Variants in HS6ST3 observed in about 807,000 individuals in gnomAD.
HS6ST3 encodes the protein heparan sulfate 6-O-sulfotransferase 3, also known as heparan-sulfate 6-O-sulfotransferase 3.
A neutral mutation model predicts 36.7 loss-of-function variants in HS6ST3; 12 were observed. The ratio of observed to expected loss-of-function variants is 0.33; its 90% CI spans 0.21 to 0.53. The LOEUF is 0.53. Ranked by LOEUF, HS6ST3 falls within the 20% of genes least tolerant of loss-of-function variation. The probability of loss-of-function intolerance (pLI) is 0.95; values close to 1 mark genes in which losing one functional copy is unlikely to be tolerated. For synonymous variants in HS6ST3, 240 were observed against 257.5 expected (o/e 0.93, Z 0.65); for missense variants, 584 against 640.9 (o/e 0.91, Z 0.96).
intron 1 of HS6ST3, among the ~76,000 whole-genome samples, chr13:96,333,342 A>C (rs139497216): frequency 6.6e-6 from 1 of 151,718 alleles, no homozygotes; most frequent in African/African-American, 2.4e-5. Context: ...AGCAATTTCC[A>C]CCAAATGCTT....
intron 1 of HS6ST3, among the ~76,000 whole-genome samples, chr13:96,552,472 A>G (rs2056222985): frequency 6.6e-6 from 1 of 152,190 alleles, no homozygotes; most frequent in Non-Finnish European, 1.5e-5. Flanking sequence ...CAGGTCAGCT[A>G]GAGTGGAAGG....
intron 1 of HS6ST3, among the ~76,000 whole-genome samples, chr13:96,653,179 G>T (rs1022371100): frequency 1.3e-5 from 2 of 151,778 alleles, no homozygotes; most frequent in East Asian, 3.9e-4. Flanking sequence ...CTCAACTGTT[G>T]GTTCATGGCA....
intron 1 of HS6ST3, among the ~76,000 whole-genome samples, chr13:96,659,670 A>G (rs1566423406): frequency 6.6e-6 from 1 of 152,100 alleles, no homozygotes. Context: ...TTTTTAAAAT[A>G]TAGTATGAAA....
At chr13:96,151,175 G>A (rs538362498) in intron 1 of HS6ST3, among the ~76,000 whole-genome samples, 5 of 152,252 alleles carry the variant, frequency 3.3e-5, no homozygotes, top group Non-Finnish European at 7.4e-5. Flanking sequence ...AAGCCAAGGT[G>A]GGTAGATCAC....
intron 1 of HS6ST3, among the ~76,000 whole-genome samples, chr13:96,118,688 ATTTTTTTTTTTTTTTTT>A (rs149786144): frequency 3.9e-4 from 12 of 31,168 alleles, no homozygotes; most frequent in African/African-American, 1.5e-3. Context: ...ATATATATAT[ATTTTTTTTTTTTTTTTT>A]TTTTTTTTTT....
At chr13:96,453,369 C>T (rs9584372) in intron 1 of HS6ST3, among the ~76,000 whole-genome samples, 2,831 of 152,152 alleles carry the variant, frequency 0.019, 104 homozygotes, top group African/African-American at 0.065. Context: ...TCTCCAATGG[C>T]TATTATTCCA....
chr13:96,619,853 T>C (rs951782736), intron 1 of HS6ST3, among the ~76,000 whole-genome samples: 3 of 151,306 alleles, frequency 2.0e-5, no homozygotes, highest in African/African-American at 7.4e-5. Context: ...TTGGACAAGG[T>C]TGACAGTTGG....
In HS6ST3 at chr13:96,091,008, C is replaced by A; in HGVS notation, c.146C>A (p.Pro49His). ...EQPRAGEAGPPAVPGPARRAQ... is the reference protein window; with the variant it reads ...EQPRAGEAGPHAVPGPARRAQ... ...CCCCGCGCGGGGGAGGCCGGCCCGCCCGCCGTCCCGGGTCCCGCCCGCCGG... is the reference window on the plus strand; with the variant it reads ...CCCCGCGCGGGGGAGGCCGGCCCGCACGCCGTCCCGGGTCCCGCCCGCCGG... Residue 49 changes from proline to histidine, a missense_variant, in exon 1 of 2, where the codon CCC becomes CAC. This residue lies in a region of HS6ST3 where 217 missense variants were observed against 205.4 expected (regional missense o/e 1.06). Transcript: ENST00000376705. 2.3e-6 allele frequency: 3 copies of A among 1,288,900 alleles called. No individual in the cohort carries two copies. In the South Asian group the frequency reaches 9.1e-5, roughly 39 times the overall value. 79.8% of individuals were successfully genotyped at this position (1,288,900 alleles called of 1,614,324 possible).
chr13:96,827,379 T>A (rs1323557177), intron 1 of HS6ST3, among the ~76,000 whole-genome samples: 1 of 152,190 alleles, frequency 6.6e-6, no homozygotes, highest in Non-Finnish European at 1.5e-5. Context: ...AGTGATACTG[T>A]CTATGCATAT....
chr13:96,358,878 A>ATCTG (rs1429751452), intron 1 of HS6ST3, among the ~76,000 whole-genome samples: 24 of 137,690 alleles, frequency 1.7e-4, no homozygotes, highest in Non-Finnish European at 2.9e-4. Flanking sequence ...TAATCTATCT[A>ATCTG]TCTATCTATC....
chr13:96,373,130 C>T (rs188376194), intron 1 of HS6ST3, among the ~76,000 whole-genome samples: 39 of 152,226 alleles, frequency 2.6e-4, no homozygotes, highest in Non-Finnish European at 4.3e-4. Context: ...CTATGTCTCT[C>T]CTTCGTACAT....
intron 1 of HS6ST3, among the ~76,000 whole-genome samples, chr13:96,302,989 G>T (rs188421016): frequency 6.6e-6 from 1 of 152,062 alleles, no homozygotes; most frequent in Admixed American, 6.6e-5. Flanking sequence ...GCTGTTTATG[G>T]CTATTTTCAT....
chr13:96,620,840 AT>A (rs543753553), intron 1 of HS6ST3, among the ~76,000 whole-genome samples: 5 of 151,886 alleles, frequency 3.3e-5, no homozygotes, highest in Admixed American at 2.0e-4. Flanking sequence ...TCAGCAATTA[AT>A]TTTTTTTTAA....
chr13:96,308,665 C>G (rs1367811680), intron 1 of HS6ST3, among the ~76,000 whole-genome samples: 3 of 152,084 alleles, frequency 2.0e-5, no homozygotes, highest in Non-Finnish European at 2.9e-5. Context: ...ATCCTTATTC[C>G]TTTCTTCCTG....
intron 1 of HS6ST3, among the ~76,000 whole-genome samples, chr13:96,550,705 G>A (rs1566393974): frequency 1.3e-5 from 2 of 151,984 alleles, no homozygotes; most frequent in Non-Finnish European, 1.5e-5. Context: ...TATGTATTGA[G>A]TGAAGGGAGG....
chr13:96,115,518 G>A (rs993115247), intron 1 of HS6ST3, among the ~76,000 whole-genome samples: 1 of 152,106 alleles, frequency 6.6e-6, no homozygotes. Flanking sequence ...CTTTTCCTGT[G>A]TTAGTTTGCT....
intron 1 of HS6ST3, among the ~76,000 whole-genome samples, chr13:96,627,573 T>C (rs181701879): frequency 1.1e-4 from 16 of 152,138 alleles, no homozygotes; most frequent in Non-Finnish European, 2.1e-4. Context: ...TTCTATTCTC[T>C]GAAGTGGTTT....
intron 1 of HS6ST3, among the ~76,000 whole-genome samples, chr13:96,518,252 T>C (rs115436631): frequency 1.9e-3 from 286 of 152,322 alleles, no homozygotes; most frequent in African/African-American, 6.7e-3. Context: ...ACATTCTGAA[T>C]TTCTTTCTGA....
intron 1 of HS6ST3, among the ~76,000 whole-genome samples, chr13:96,758,525 A>C (rs1412200248): frequency 6.6e-6 from 1 of 151,594 alleles, no homozygotes; most frequent in Non-Finnish European, 1.5e-5. Context: ...ATTAGTATAC[A>C]TTTCCCTCTA....
Sources: allele counts gnomAD v4.1 joint callset (sites outside exome capture counted in the v4.1 genomes callset), GRCh38; gene constraint gnomAD v4.1.1; regional missense constraint gnomAD v4.1.1; transcripts MANE v1.5; gene names NCBI Gene and HGNC (gene_info 2026-07-23, HGNC 2026-07-21).